SEMA3C: variants seen among roughly 807,000 people sequenced by gnomAD.
SEMA3C encodes semaphorin-3C.
In SEMA3C, 47 loss-of-function variants were observed where a neutral mutation model predicts 89.4. The ratio of observed to expected loss-of-function variants is 0.53; its 90% CI spans 0.42 to 0.67. The LOEUF (loss-of-function observed/expected upper bound fraction) is 0.67. Ranked by LOEUF, SEMA3C falls within the 30% of genes least tolerant of loss-of-function variation. The pLI, the probability that SEMA3C is intolerant of heterozygous loss-of-function variation, is 0.00. For missense variants in SEMA3C, 839 were observed against 929.1 expected (o/e 0.90, Z 1.26); for synonymous variants, 310 against 320.2 (o/e 0.97, Z 0.34).
chr7:80,825,453 A>G (rs1292337614), intron 4 of SEMA3C, among the ~76,000 whole-genome samples: 1 of 152,210 alleles, frequency 6.6e-6, no homozygotes, highest in Non-Finnish European at 1.5e-5. Flanking sequence ...ACAGCATGAC[A>G]AAACTATGGG....
chr7:80,810,417 A>G (rs1442449533), intron 6 of SEMA3C, among the ~76,000 whole-genome samples, 194 bp downstream of exon 6: 2 of 152,200 alleles, frequency 1.3e-5, no homozygotes, highest in South Asian at 2.1e-4. Context: ...GTCATAAGTT[A>G]CATGCTTATT....
At chr7:80,854,148 T>C (rs1165354165) in intron 2 of SEMA3C, among the ~76,000 whole-genome samples, 1 of 152,176 alleles carries the variant, frequency 6.6e-6, no homozygotes, top group East Asian at 1.9e-4. Flanking sequence ...GTGTTTTAGG[T>C]AAGGTTATTG....
chr7:80,753,584 T>G (rs1255515398), intron 15 of SEMA3C, among the ~76,000 whole-genome samples: 1 of 152,230 alleles, frequency 6.6e-6, no homozygotes, highest in African/African-American at 2.4e-5. Context: ...GCATTTTTTA[T>G]GTGTAGATTC....
Position 80,758,487 on chromosome 7 carries a change from T to G in SEMA3C, c.1487A>C (p.Gln496Pro), listed in dbSNP as rs754358002. Residue 496 changes from glutamine (Q) to proline (P), a missense_variant and splice_region_variant, in exon 15 of 18, where the codon CAA (glutamine) becomes CCA (proline). Physicochemically the swap from Gln to Pro is moderately conservative, Grantham distance 76. Coordinates refer to ENST00000265361, the MANE Select transcript of SEMA3C (RefSeq NM_006379.5). ...ITTMKISSKKQQLYVSSNEGV... is the reference protein window; with the variant it reads ...ITTMKISSKKPQLYVSSNEGV... ...TTCATTGGAACTCACATACAACTGT[T>G]GCTATTAAAGGAATGATGATGATTT... The G allele has an allele frequency of 6.2e-7, 1 of 1,613,240 alleles. No homozygotes were observed. The highest frequency in any genetic ancestry group is 8.5e-7 in the Non-Finnish European group (1 of 1,179,422).
At chr7:80,908,410 G>A (rs1427385889) in intron 2 of SEMA3C, among the ~76,000 whole-genome samples, 1 of 152,060 alleles carries the variant, frequency 6.6e-6, no homozygotes, top group Non-Finnish European at 1.5e-5. Flanking sequence ...TAACTTTTGT[G>A]AAATGAGGAT....
At chr7:80,870,082 T>C (rs1329892973) in intron 2 of SEMA3C, among the ~76,000 whole-genome samples, 2 of 152,312 alleles carry the variant, frequency 1.3e-5, no homozygotes, top group African/African-American at 2.4e-5. Context: ...CTGTCCTCCA[T>C]GCTCTGTCTG....
upstream of SEMA3C, among the ~76,000 whole-genome samples, chr7:80,919,845 G>A (rs1355335945): frequency 6.6e-6 from 1 of 152,012 alleles, no homozygotes; most frequent in Non-Finnish European, 1.5e-5. Flanking sequence ...AGTGCCGAGA[G>A]CCACCGCGCC....
intron 2 of SEMA3C, among the ~76,000 whole-genome samples, chr7:80,863,783 TA>T: frequency 3.9e-5 from 5 of 128,984 alleles, no homozygotes; most frequent in Non-Finnish European, 8.1e-5. Context: ...ATCATATATA[TA>T]GTAGTATTCC....
chr7:80,772,139 G>A (rs770600115), intron 12 of SEMA3C, among the ~76,000 whole-genome samples: 13 of 152,026 alleles, frequency 8.6e-5, no homozygotes, highest in Non-Finnish European at 1.6e-4. Context: ...AGATGAGGGA[G>A]GTATGACTAG....
chr7:80,778,616 T>C (rs1788621331), intron 12 of SEMA3C, among the ~76,000 whole-genome samples: 1 of 152,228 alleles, frequency 6.6e-6, no homozygotes, highest in Non-Finnish European at 1.5e-5. Flanking sequence ...TCTCAGAATG[T>C]GGTCATCAAA....
intron 11 of SEMA3C, among the ~76,000 whole-genome samples, 165 bp downstream of exon 11, chr7:80,797,927 G>A (rs559726119): frequency 1.3e-5 from 2 of 152,238 alleles, no homozygotes; most frequent in South Asian, 2.1e-4. Context: ...GAACCCGGGA[G>A]GCGGAGGGTG....
chr7:80,825,546 C>T (rs1013313448), intron 4 of SEMA3C, among the ~76,000 whole-genome samples: 2 of 152,134 alleles, frequency 1.3e-5, no homozygotes, highest in African/African-American at 4.8e-5. Context: ...AGGGTTTCTA[C>T]TTTGACAAAG....
At chr7:80,886,914 G>T (rs923660796) in intron 2 of SEMA3C, among the ~76,000 whole-genome samples, 2 of 152,018 alleles carry the variant, frequency 1.3e-5, no homozygotes, top group Non-Finnish European at 2.9e-5. Context: ...AAGAATTAGG[G>T]TATTGCTAGG....
chr7:80,840,609 C>A (rs979252117), intron 2 of SEMA3C, among the ~76,000 whole-genome samples: 18 of 150,174 alleles, frequency 1.2e-4, no homozygotes, highest in African/African-American at 4.2e-4. Flanking sequence ...AAAATTTGGT[C>A]TCTCTTTCAA....
chr7:80,860,332 T>C (rs1320710407), intron 2 of SEMA3C, among the ~76,000 whole-genome samples: 1 of 152,150 alleles, frequency 6.6e-6, no homozygotes, highest in East Asian at 1.9e-4. Flanking sequence ...ATTTCTGCCT[T>C]AATATTTTGA....
In SEMA3C at chr7:80,900,271, G is replaced by A. The variant is rs1240476073; in HGVS notation, c.103+16408C>T. Among the ~76,000 whole-genome samples the A allele has an allele frequency of 5.3e-5, 8 of 152,026 alleles. 1 individual carries two copies. The highest frequency in any genetic ancestry group is 7.4e-5 in the Non-Finnish European group (5 of 67,966). On this transcript the variant is annotated intron_variant, in intron 2 of 17. Transcript: ENST00000265361. ...TGGGACTACAGGTGCCCGCCACCAC[G>A]CCTGGCTAATTTTTTGTATTTTTAG...
At position 80,902,797 on chromosome 7, in the gene SEMA3C, G is replaced by C. The variant is rs532010959; in HGVS notation, c.103+13882C>G. Among the ~76,000 whole-genome samples, 127 of 152,258 alleles carry C rather than the reference G, an allele frequency of 8.3e-4. 1 individual carries two copies. The highest frequency in any genetic ancestry group is 2.8e-3 in the African/African-American group (115 of 41,534). Reference sequence around the variant, plus strand: ...CCCAGGTTTATTTCTAGAGGCCCATGGGTATTTACACTTTTCCTTGTGTGT... The same window carrying C: ...CCCAGGTTTATTTCTAGAGGCCCATCGGTATTTACACTTTTCCTTGTGTGT... On this transcript the variant is annotated intron_variant, in intron 2 of 17. Coordinates refer to ENST00000265361, the MANE Select transcript of SEMA3C (RefSeq NM_006379.5).
chr7:80,771,477 A>T (rs895371941), intron 12 of SEMA3C, among the ~76,000 whole-genome samples: 1 of 152,128 alleles, frequency 6.6e-6, no homozygotes, highest in Non-Finnish European at 1.5e-5. Flanking sequence ...TTCCTGCCTT[A>T]TTTTATACTA....
chr7:80,868,412 C>T (rs1790980221), intron 2 of SEMA3C, among the ~76,000 whole-genome samples: 1 of 152,004 alleles, frequency 6.6e-6, no homozygotes, highest in African/African-American at 2.4e-5. Context: ...GGACTGTAGA[C>T]ATGAGCCACC....
Sources: allele counts gnomAD v4.1 joint callset (sites outside exome capture counted in the v4.1 genomes callset), GRCh38; gene constraint gnomAD v4.1.1; transcripts MANE v1.5; gene names NCBI Gene and HGNC (gene_info 2026-07-23, HGNC 2026-07-21).